Variants in PPP2R5D observed in about 807,000 individuals in gnomAD.
PPP2R5D encodes the protein protein phosphatase 2 regulatory subunit B'delta, also known as serine/threonine-protein phosphatase 2A 56 kDa regulatory subunit delta isoform.
A neutral mutation model predicts 79.1 loss-of-function variants in PPP2R5D; 12 were observed. The ratio of observed to expected loss-of-function variants is 0.15; its 90% CI spans 0.10 to 0.25. The LOEUF is 0.25. Among genes scored for constraint, PPP2R5D ranks in the 10% least tolerant of loss-of-function variants. The pLI is 1.00. For synonymous variants in PPP2R5D, 277 were observed against 286.6 expected (o/e 0.97, Z 0.34); for missense variants, 419 against 760.2 (o/e 0.55, Z 5.28).
Position 43,008,741 on chromosome 6 carries a change from G to C in PPP2R5D, c.1075G>C (p.Glu359Gln). Residue 359 changes from glutamate to glutamine, a missense_variant, in exon 10 of 16, where the codon GAG becomes CAG. By Grantham distance (29) the Glu-to-Gln change is conservative (BLOSUM62 2). This residue lies in a region of PPP2R5D where 196 missense variants were observed against 424.5 expected (regional missense o/e 0.46). Transcript: ENST00000485511. The surrounding 1 kb of genome is among the most constrained non-coding windows in gnomAD (Gnocchi z 4.2). ...QFLEKESSLT[E>Q]PVIVGLLKFW... ...CCTGGAGAAGGAGAGCAGTCTGACTGAGCCGGTAATTCCCCTTCCGGGCCC... is the reference window on the plus strand; with the variant it reads ...CCTGGAGAAGGAGAGCAGTCTGACTCAGCCGGTAATTCCCCTTCCGGGCCC... 6.2e-7 allele frequency: 1 copy of C among 1,614,058 alleles called. No individual in the cohort carries two copies. The highest frequency in any genetic ancestry group is 8.5e-7 in the Non-Finnish European group (1 of 1,179,940).
In PPP2R5D at chr6:43,012,326, A is replaced by C; in HGVS notation, c.*1040A>C. ...GTCCCCATATGTACAGAACTGAATA[A>C]AGTGGGTCTCTGAGAAGTCTGATGT... On this transcript the variant is annotated 3_prime_UTR_variant, in exon 16 of 16. Transcript: ENST00000485511. The C allele has an allele frequency of 1.4e-6, 2 of 1,470,030 alleles. No individual in the cohort carries two copies. Among genetic ancestry groups the C allele is most frequent in the Non-Finnish European group, 1.8e-6 (2 of 1,111,840 alleles). The allele number at this position is 1,470,030 out of a possible 1,614,324, so 91.1% of individuals were successfully genotyped here.
chr6:42,998,057 A>ATT (rs1163890447), intron 2 of PPP2R5D, among the ~76,000 whole-genome samples: 10 of 12,788 alleles, frequency 7.8e-4, no homozygotes, highest in Non-Finnish European at 9.3e-4. Flanking sequence ...ATATATATAT[A>ATT]TTTTTTTTTT....
chr6:42,990,702 T>C (rs1771198725), intron 2 of PPP2R5D, among the ~76,000 whole-genome samples: 1 of 123,672 alleles, frequency 8.1e-6, no homozygotes, highest in Non-Finnish European at 1.7e-5. Flanking sequence ...TATTCTACTT[T>C]TTTTTTTTTT....
rs1013604565 is a variant in PPP2R5D at position 43,007,387 on chromosome 6, C to T, written c.634-27C>T. 1.6e-5 allele frequency: 26 copies of T among 1,605,578 alleles called. No homozygotes were observed. The highest frequency in any genetic ancestry group is 2.2e-5 in the Non-Finnish European group (26 of 1,172,370). On this transcript the variant is annotated intron_variant, in intron 5 of 15. Coordinates refer to ENST00000485511, the MANE Select transcript of PPP2R5D (RefSeq NM_006245.4). The surrounding 1 kb of genome is among the most constrained non-coding windows in gnomAD (Gnocchi z 4.5). Reference sequence around the variant, plus strand: ...GCCTGCAAGTCCTTGGGAACATCCCCTCAGTGGCGTGCCTTTTCCCCTATA... The same window carrying T: ...GCCTGCAAGTCCTTGGGAACATCCCTTCAGTGGCGTGCCTTTTCCCCTATA...
At position 42,989,595 on chromosome 6, in the gene PPP2R5D, C is replaced by T; in HGVS notation, c.28-16C>T. On this transcript the variant is annotated splice_polypyrimidine_tract_variant and intron_variant, in intron 1 of 15. Transcript: ENST00000485511. ...TCCTGGCATCTGCTAACTTTACTTT[C>T]ATCTTTTCCTTTCAGGAGCCCCCCA... 6.2e-7 allele frequency: 1 copy of T among 1,603,440 alleles called. No homozygotes were observed. The highest frequency in any genetic ancestry group is 8.5e-7 in the Non-Finnish European group (1 of 1,171,320).
At chr6:42,999,764 G>C (rs1171298245) in intron 2 of PPP2R5D, among the ~76,000 whole-genome samples, 2 of 151,774 alleles carry the variant, frequency 1.3e-5, no homozygotes, top group Admixed American at 6.6e-5. Flanking sequence ...ATAGGGTTTT[G>C]CTATGTTGGC....
intron 2 of PPP2R5D, among the ~76,000 whole-genome samples, chr6:42,996,902 TATA>T (rs1160878161): frequency 6.6e-6 from 1 of 152,234 alleles, no homozygotes; most frequent in Non-Finnish European, 1.5e-5. Context: ...GCAAAAGAGA[TATA>T]ATATTTAATC....
In PPP2R5D at chr6:43,011,158, G is replaced by T; in HGVS notation, c.1681G>T (p.Asp561Tyr). 6.2e-7 allele frequency: 1 copy of T among 1,614,136 alleles called. No homozygotes were observed. The highest frequency in any genetic ancestry group is 8.5e-7 in the Non-Finnish European group (1 of 1,180,020). ...VETEAVQMLK[D>Y]IKKEKVLLRR... ...CCCTATTCACACACAGATGCTAAAA[G>T]ACATCAAGAAGGAGAAAGTGCTGCT... The change falls in exon 16 of 16, where the codon GAC becomes TAC. Residue 561 changes from aspartate to tyrosine, a missense_variant. By Grantham distance (160) the Asp-to-Tyr change is radical. Around this residue, in one of 5 missense-constraint regions of PPP2R5D, gnomAD observed 84 missense variants for 105.4 expected, o/e 0.80. Transcript: ENST00000485511.
At chr6:42,999,384 G>T (rs1415202565) in intron 2 of PPP2R5D, among the ~76,000 whole-genome samples, 2 of 152,160 alleles carry the variant, frequency 1.3e-5, no homozygotes, top group African/African-American at 2.4e-5. Context: ...GATGCTTCTT[G>T]TGTCTGGATC....
At chr6:42,985,007 G>C (rs1436235331) in intron 1 of PPP2R5D, among the ~76,000 whole-genome samples, 15 of 149,816 alleles carry the variant, frequency 1.0e-4, no homozygotes, top group Non-Finnish European at 3.0e-5. Context: ...CCAGGTCACT[G>C]TCCTGCTTTT....
intron 2 of PPP2R5D, among the ~76,000 whole-genome samples, chr6:42,995,812 C>A (rs1334347796): frequency 8.0e-5 from 12 of 150,816 alleles, no homozygotes; most frequent in African/African-American, 2.9e-4. Context: ...ACCTCCTGGG[C>A]TCAAGGGATC....
chr6:43,008,287 G>A lies in PPP2R5D; in HGVS notation c.917+27G>A. The A allele has an allele frequency of 6.2e-7, 1 of 1,614,118 alleles. No individual in the cohort carries two copies. Among genetic ancestry groups the A allele is most frequent in the Non-Finnish European group, 8.5e-7 (1 of 1,179,962 alleles). ...TGAGAGGCCGGGTGGGGGCACAGAT[G>A]CCTGAAAAAGGTTGGCAGGATTGGT... On this transcript the variant is annotated intron_variant, in intron 8 of 15. Coordinates refer to ENST00000485511, the MANE Select transcript of PPP2R5D (RefSeq NM_006245.4). This position sits in a 1 kb window ranked among gnomAD's most constrained non-coding sequence, Gnocchi z 4.2.
At chr6:42,992,777 G>C (rs751909624) in intron 2 of PPP2R5D, among the ~76,000 whole-genome samples, 1 of 152,140 alleles carries the variant, frequency 6.6e-6, no homozygotes, top group Admixed American at 6.6e-5. Context: ...GGCCATGATC[G>C]TACCACTGCA....
Position 43,001,941 on chromosome 6 carries a change from A to C in PPP2R5D, c.106-4522A>C, listed in dbSNP as rs1262362697. Among the ~76,000 whole-genome samples, 5 of 152,100 alleles carry C rather than the reference A, an allele frequency of 3.3e-5. No individual in the cohort carries two copies. In the East Asian group the frequency reaches 5.8e-4, roughly 18 times the overall value. ...ACAGAGCCAGACTCTGTCTCAAAAA[A>C]AAAAAAAATGCTTCTTTAGTGCGAG... On this transcript the variant is annotated intron_variant, in intron 2 of 15. Coordinates refer to ENST00000485511, the MANE Select transcript of PPP2R5D (RefSeq NM_006245.4).
At chr6:43,005,508 G>C (rs1016980279) in intron 2 of PPP2R5D, among the ~76,000 whole-genome samples, 2 of 152,102 alleles carry the variant, frequency 1.3e-5, no homozygotes, top group Non-Finnish European at 2.9e-5. Context: ...GTCTTGCTAC[G>C]TTGTTCAGGC....
At position 43,006,512 on chromosome 6, in the gene PPP2R5D, C is replaced by T. The variant is rs1561849382; in HGVS notation, c.155C>T (p.Pro52Leu). ...PQPQPQAQSQ[P>L]PSSNKRPSNS... Reference sequence around the variant, plus strand: ...CCCCAGCCCCAAGCCCAGTCTCAGCCACCGTCATCCAACAAGCGTCCCAGC... The same window carrying T: ...CCCCAGCCCCAAGCCCAGTCTCAGCTACCGTCATCCAACAAGCGTCCCAGC... The change falls in exon 3 of 16, where the codon CCA (proline) becomes CTA (leucine). Residue 52 changes from proline (P) to leucine (L), a missense_variant. Pro to Leu is a moderately conservative substitution (Grantham distance 98, BLOSUM62 -3). Around this residue, in one of 5 missense-constraint regions of PPP2R5D, gnomAD observed 110 missense variants for 147.6 expected, o/e 0.75. Coordinates refer to ENST00000485511, the MANE Select transcript of PPP2R5D (RefSeq NM_006245.4). The surrounding 1 kb of genome is among the most constrained non-coding windows in gnomAD (Gnocchi z 4.7). 4 of 1,613,938 alleles carry T rather than the reference C, an allele frequency of 2.5e-6. No homozygotes were observed. The highest frequency in any genetic ancestry group is 1.1e-5 in the South Asian group (1 of 91,090).
chr6:43,011,529 C>CT lies in PPP2R5D; in HGVS notation c.*243_*244insT. On this transcript the variant is annotated 3_prime_UTR_variant, in exon 16 of 16. Coordinates refer to ENST00000485511, the MANE Select transcript of PPP2R5D (RefSeq NM_006245.4). Reference sequence around the variant, plus strand: ...AGCACTAAGATGCTTAGTGCTCAGACAACCTGGGGATGCCTGTCCCCTACC... The same window carrying CT: ...AGCACTAAGATGCTTAGTGCTCAGACTAACCTGGGGATGCCTGTCCCCTACC... 5.4e-6 allele frequency: 3 copies of CT among 560,218 alleles called. No homozygotes were observed. Among genetic ancestry groups the CT allele is most frequent in the East Asian group, 3.1e-5 (1 of 32,202 alleles). The allele number at this position is 560,218 out of a possible 1,614,324, so 34.7% of individuals were successfully genotyped here.
Position 43,008,733 on chromosome 6 carries a change from G to C in PPP2R5D, c.1067G>C (p.Ser356Thr). The change falls in exon 10 of 16, where the codon AGT becomes ACT. Residue 356 changes from serine (S) to threonine (T), a missense_variant. Physicochemically the swap from Ser to Thr is moderately conservative, Grantham distance 58. Around this residue, in one of 5 missense-constraint regions of PPP2R5D, gnomAD observed 196 missense variants for 424.5 expected, o/e 0.46. Transcript: ENST00000485511. This position sits in a 1 kb window ranked among gnomAD's most constrained non-coding sequence, Gnocchi z 4.2. ...GTACAATTCCTGGAGAAGGAGAGCA[G>C]TCTGACTGAGCCGGTAATTCCCCTT... ...CVVQFLEKESSLTEPVIVGLL... is the reference protein window; with the variant it reads ...CVVQFLEKESTLTEPVIVGLL... 6.2e-7 allele frequency: 1 copy of C among 1,614,104 alleles called. No homozygotes were observed. Among genetic ancestry groups the C allele is most frequent in the South Asian group, 1.1e-5 (1 of 91,066 alleles).
rs1762387702 is a variant in PPP2R5D at position 43,012,259 on chromosome 6, C to T, written c.*973C>T. On this transcript the variant is annotated 3_prime_UTR_variant, in exon 16 of 16. Transcript: ENST00000485511. ...TGTGTACATAGGGTGCTTTATTCTC[C>T]ACAGAGTGATACATGCTAAGGTGGG... 1.5e-6 allele frequency: 2 copies of T among 1,321,054 alleles called. No homozygotes were observed. The highest frequency in any genetic ancestry group is 1.9e-6 in the Non-Finnish European group (2 of 1,034,532). 81.8% of individuals were successfully genotyped at this position (1,321,054 alleles called of 1,614,324 possible).
Sources: gnomAD v4.1 joint callset for allele counts (sites outside exome capture counted in the v4.1 genomes callset) on GRCh38, gnomAD v4.1.1 for gene constraint, gnomAD v4.1.1 regional missense constraint, Gnocchi (gnomAD v3.1) non-coding constraint, MANE v1.5 for transcripts, NCBI Gene and HGNC (gene_info 2026-07-23, HGNC 2026-07-21) for gene names.